COX4I2: variants seen among roughly 807,000 people sequenced by gnomAD.
COX4I2 encodes the protein cytochrome c oxidase subunit 4 isoform 2, mitochondrial.
A neutral mutation model predicts 20.8 loss-of-function variants in COX4I2; 15 were observed. The ratio of observed to expected loss-of-function variants is 0.72; its 90% CI spans 0.48 to 1.11. The LOEUF is 1.11. Among genes scored for constraint, COX4I2 ranks in the 50% most tolerant of loss-of-function variants. The pLI, the probability that COX4I2 is intolerant of heterozygous loss-of-function variation, is 0.00. For missense variants in COX4I2, 224 were observed against 223.0 expected (o/e 1.00, Z -0.03); for synonymous variants, 80 against 78.1 (o/e 1.02, Z -0.13).
chr20:31,644,026 G>T (rs949182678), intron 4 of COX4I2, among the ~76,000 whole-genome samples: 2 of 152,100 alleles, frequency 1.3e-5, no homozygotes, highest in Non-Finnish European at 2.9e-5. Flanking sequence ...GGCCAGGCTG[G>T]TCTCAAACTC....
Position 31,640,062 on chromosome 20 carries a change from G to A in COX4I2, c.212G>A (p.Ser71Asn), listed in dbSNP as rs1404203414. 2 of 1,613,018 alleles carry A rather than the reference G, an allele frequency of 1.2e-6. No homozygotes were observed. The highest frequency in any genetic ancestry group is 2.2e-5 in the East Asian group (1 of 44,876). ...EQALKEKEKG[S>N]WTQLTHAEKV... ...GCCCTGAAGGAGAAGGAGAAGGGAAGCTGGACCCAGCTGACCCACGCCGAA... is the reference window on the plus strand; with the variant it reads ...GCCCTGAAGGAGAAGGAGAAGGGAAACTGGACCCAGCTGACCCACGCCGAA... Residue 71 changes from serine (S) to asparagine (N), a missense_variant, in exon 3 of 5, where the codon AGC becomes AAC. Coordinates refer to ENST00000376075, the MANE Select transcript of COX4I2 (RefSeq NM_032609.3).
chr20:31,639,184 A>AT (rs2060452482), intron 2 of COX4I2, 85 bp downstream of exon 2: 18 of 1,546,520 alleles, frequency 1.2e-5, no homozygotes, highest in Non-Finnish European at 1.6e-5. Flanking sequence ...TTGCCCTTCC[A>AT]TGCCACCCTG....
At chr20:31,638,639 C>T (rs1295235864) in intron 1 of COX4I2, among the ~76,000 whole-genome samples, 3 of 152,092 alleles carry the variant, frequency 2.0e-5, no homozygotes, top group African/African-American at 7.2e-5. Flanking sequence ...CCACCTGGAC[C>T]CCACCCAGCT....
At chr20:31,638,198 A>C (rs1391216047) in intron 1 of COX4I2, among the ~76,000 whole-genome samples, 2 of 151,932 alleles carry the variant, frequency 1.3e-5, no homozygotes, top group Non-Finnish European at 2.9e-5. Context: ...CCCACCCACT[A>C]ATCATAATCA....
rs373555711 is a variant in COX4I2, at chr20:31,644,601, C to T, written c.380-167C>T. On this transcript the variant is annotated intron_variant, in intron 4 of 4. Coordinates refer to ENST00000376075, the MANE Select transcript of COX4I2 (RefSeq NM_032609.3). ...ATGCTCTAGGAGAAAGTCTGGGGTG[C>T]GGGGCTAGACAGGGTGGAGTGAGCT... Among the ~76,000 whole-genome samples the T allele has an allele frequency of 9.2e-5, 14 of 152,194 alleles. 1 individual carries two copies. The highest frequency in any genetic ancestry group is 3.1e-4 in the African/African-American group (13 of 41,534).
chr20:31,638,059 T>A (rs1339982436), intron 1 of COX4I2, 97 bp downstream of exon 1: 1 of 152,138 alleles, frequency 6.6e-6, no homozygotes, highest in Non-Finnish European at 1.5e-5. Flanking sequence ...GCCCCAGTGG[T>A]CCCTGTCTTA....
At chr20:31,638,244 GC>G (rs934600323) in intron 1 of COX4I2, among the ~76,000 whole-genome samples, 7 of 151,708 alleles carry the variant, frequency 4.6e-5, no homozygotes, top group East Asian at 1.9e-4. Flanking sequence ...AGTGTGGGCC[GC>G]CCCCTCCCAC....
intron 2 of COX4I2, among the ~76,000 whole-genome samples, chr20:31,639,573 T>TG (rs1264358109): frequency 2.7e-5 from 4 of 150,802 alleles, no homozygotes; most frequent in Non-Finnish European, 4.4e-5. Flanking sequence ...TTTTTTTTTT[T>TG]GAGATAGAGT....
chr20:31,639,629 C>T (rs1263633208), intron 2 of COX4I2, among the ~76,000 whole-genome samples: 1 of 146,640 alleles, frequency 6.8e-6, no homozygotes, highest in East Asian at 1.9e-4. Context: ...GCAATGTCGG[C>T]TCACTGCAAC....
At position 31,639,940 on chromosome 20, in the gene COX4I2, TG is replaced by T; in HGVS notation, c.96del (p.Lys33ArgfsTer32). 1 of 1,614,036 alleles carries T rather than the reference TG, an allele frequency of 6.2e-7. No individual in the cohort carries two copies. The highest frequency in any genetic ancestry group is 2.2e-5 in the East Asian group (1 of 44,882). ...CCTCCATTGTGTCTGCAGCCCGTGG[TG>T]GGGGGAAGATGTCCCCCTACACCAA... Reference protein sequence around the residue: ...MHSSEGTTRGGGKMSPYTNCY... With the variant: ...MHSSEGTTRGXGKMSPYTNCY... On this transcript the variant is annotated frameshift_variant, in exon 3 of 5. Transcript: ENST00000376075. LOFTEE classifies it high-confidence loss of function.
chr20:31,640,118 G>T, intron 3 of COX4I2, 21 bp downstream of exon 3: 1 of 1,593,986 alleles, frequency 6.3e-7, no homozygotes. Flanking sequence ...GGGTGGGGCT[G>T]GCTGGAGAGA....
chr20:31,639,367 G>A, intron 2 of COX4I2: 1 of 811,798 alleles, frequency 1.2e-6, no homozygotes, highest in Non-Finnish European at 1.5e-6. Flanking sequence ...GTTCTGAGGT[G>A]GAGGATGCTG....
In COX4I2 at chr20:31,645,003, A is replaced by T. The variant is rs889402935; in HGVS notation, c.*99A>T. On this transcript the variant is annotated 3_prime_UTR_variant, in exon 5 of 5. Transcript: ENST00000376075. ...CTTAACCCCAGTAAAGCTCCAAAAA[A>T]AAATTTATTCTCTTCTGCCTCTCAC... The T allele has an allele frequency of 2.4e-5, 34 of 1,424,300 alleles. No homozygotes were observed. The East Asian group carries it at 7.6e-4, about 32-fold the overall frequency. The allele number at this position is 1,424,300 out of a possible 1,614,324, so 88.2% of individuals were successfully genotyped here. A position where few individuals can be genotyped will look rare whatever the true frequency, so the allele number is the denominator to read the frequency against.
In COX4I2 at chr20:31,641,044, GA is replaced by G. The variant is rs2060465350; in HGVS notation, c.247+948del. Among the ~76,000 whole-genome samples, 4 of 151,886 alleles carry G rather than the reference GA, an allele frequency of 2.6e-5. No individual in the cohort carries two copies. The South Asian group carries it at 8.3e-4, about 32-fold the overall frequency. On this transcript the variant is annotated intron_variant, in intron 3 of 4. Transcript: ENST00000376075. ...TCAGAAATTGACACTCTTGGGGGGA[GA>G]GGGGAGGAATAGCATTAGGAGATAT...
chr20:31,643,606 C>T, intron 4 of COX4I2, 71 bp downstream of exon 4: 5 of 1,582,630 alleles, frequency 3.2e-6, no homozygotes, highest in Non-Finnish European at 4.3e-6. Flanking sequence ...CAGACAGTTT[C>T]TTAAAGGAAC....
chr20:31,642,407 A>G (rs891690226), intron 3 of COX4I2, among the ~76,000 whole-genome samples: 4 of 149,182 alleles, frequency 2.7e-5, no homozygotes, highest in Non-Finnish European at 5.9e-5. Context: ...TAATGTACTG[A>G]GAAAGGATTA....
At chr20:31,640,236 T>C (rs2060460223) in intron 3 of COX4I2, 139 bp downstream of exon 3, 8 of 876,208 alleles carry the variant, frequency 9.1e-6, no homozygotes, top group Non-Finnish European at 1.4e-5. Context: ...GTGAAGTTCA[T>C]GCCTTTGTTC....
At position 31,644,870 on chromosome 20, in the gene COX4I2, G is replaced by T. The variant is rs11907253; in HGVS notation, c.482G>T (p.Arg161Leu). 2.6e-5 allele frequency: 42 copies of T among 1,613,926 alleles called. No homozygotes were observed. In the East Asian group the frequency reaches 5.1e-4, roughly 20 times the overall value. Residue 161 changes from arginine to leucine, a missense_variant, in exon 5 of 5, where the codon CGC (arginine) becomes CTC (leucine). Physicochemically the swap from Arg to Leu is moderately radical, Grantham distance 102 (BLOSUM62 -2). Coordinates refer to ENST00000376075, the MANE Select transcript of COX4I2 (RefSeq NM_032609.3). ...AATCCTGTGCAGGGCCTGGCCTCCC[G>T]CTGGGACTATGAGAAGAAGCAGTGG... The part of the protein sequence containing the change: ...KVNPVQGLAS[R>L]WDYEKKQWKK
intron 3 of COX4I2, among the ~76,000 whole-genome samples, chr20:31,640,970 C>CACACAT (rs2060464639): frequency 6.6e-6 from 1 of 150,754 alleles, no homozygotes; most frequent in Admixed American, 6.6e-5. Flanking sequence ...CACACACACA[C>CACACAT]ACACACACAC....
Sources: gnomAD v4.1 joint callset for allele counts (sites outside exome capture counted in the v4.1 genomes callset) on GRCh38, gnomAD v4.1.1 for gene constraint, MANE v1.5 for transcripts, NCBI Gene and HGNC (gene_info 2026-07-23, HGNC 2026-07-21) for gene names.